The following INPP4B variants were observed in gnomAD, a reference collection of about 807,000 sequenced individuals.
INPP4B encodes inositol polyphosphate 4-phosphatase type II.
Under a neutral mutation model 122.5 loss-of-function variants are expected in INPP4B, and 55 were observed. The ratio of observed to expected loss-of-function variants is 0.45; its 90% CI spans 0.36 to 0.56. The LOEUF is 0.56. Ranked by LOEUF, INPP4B falls within the 20% of genes least tolerant of loss-of-function variation. INPP4B has a pLI of 0.00. For synonymous variants in INPP4B, 403 were observed against 388.7 expected (o/e 1.04, Z -0.43); for missense variants, 1,000 against 1,097.7 (o/e 0.91, Z 1.26).
intron 1 of INPP4B, among the ~76,000 whole-genome samples, chr4:142,790,479 A>G (rs1361660267): frequency 6.6e-6 from 1 of 152,058 alleles, no homozygotes; most frequent in Non-Finnish European, 1.5e-5. Flanking sequence ...CAACATCACT[A>G]CTGATCAGGG....
chr4:142,269,542 A>C (rs1744723850), intron 10 of INPP4B, among the ~76,000 whole-genome samples: 1 of 152,142 alleles, frequency 6.6e-6, no homozygotes. Flanking sequence ...GGGCAGAATG[A>C]TGGTTACCAG....
At chr4:142,377,055 T>C (rs886930569) in intron 7 of INPP4B, among the ~76,000 whole-genome samples, 3 of 152,130 alleles carry the variant, frequency 2.0e-5, no homozygotes, top group Non-Finnish European at 2.9e-5. Flanking sequence ...ATACTCCTAT[T>C]TGATGTTTAA....
intron 2 of INPP4B, among the ~76,000 whole-genome samples, chr4:142,494,192 T>C (rs1403889437): frequency 6.6e-6 from 1 of 152,120 alleles, no homozygotes; most frequent in Non-Finnish European, 1.5e-5. Context: ...CATTTATAAA[T>C]TGCCCAGTCT....
chr4:142,585,935 G>T (rs1285046637), intron 2 of INPP4B, among the ~76,000 whole-genome samples: 1 of 151,746 alleles, frequency 6.6e-6, no homozygotes, highest in Non-Finnish European at 1.5e-5. Context: ...AGGTGTACGT[G>T]TGCCATGTTG....
At chr4:142,644,833 G>T (rs1183534632) in intron 2 of INPP4B, among the ~76,000 whole-genome samples, 7 of 147,714 alleles carry the variant, frequency 4.7e-5, no homozygotes, top group African/African-American at 1.7e-4. Flanking sequence ...AACCTGGGTG[G>T]TGGAAGAGCT....
chr4:142,402,741 A>G (rs1802041072), intron 7 of INPP4B, among the ~76,000 whole-genome samples, 197 bp downstream of exon 7: 1 of 152,234 alleles, frequency 6.6e-6, no homozygotes, highest in Non-Finnish European at 1.5e-5. Flanking sequence ...TCTGTTCCAA[A>G]AACTTTTGCT....
intron 3 of INPP4B, among the ~76,000 whole-genome samples, chr4:142,432,672 T>C (rs1809587264): frequency 6.6e-6 from 1 of 152,112 alleles, no homozygotes; most frequent in South Asian, 2.1e-4. Flanking sequence ...CAAAGACCTA[T>C]GACAAATGCT....
chr4:142,264,999 C>T (rs1192058549), intron 10 of INPP4B, among the ~76,000 whole-genome samples: 1 of 150,486 alleles, frequency 6.6e-6, no homozygotes, highest in Non-Finnish European at 1.5e-5. Context: ...CCTCTCTCTC[C>T]CTCCCCCACT....
chr4:142,171,430 A>C (rs1355877380), intron 16 of INPP4B, among the ~76,000 whole-genome samples: 1 of 151,876 alleles, frequency 6.6e-6, no homozygotes, highest in Admixed American at 6.6e-5. Flanking sequence ...AAACGTTTTT[A>C]TTTTATAATC....
At chr4:142,326,342 C>T (rs959512337) in intron 7 of INPP4B, among the ~76,000 whole-genome samples, 7 of 152,162 alleles carry the variant, frequency 4.6e-5, no homozygotes, top group Non-Finnish European at 7.3e-5. Context: ...AGGAGCTCTT[C>T]GCACTGGAAA....
chr4:142,396,022 G>T (rs932728707), intron 7 of INPP4B, among the ~76,000 whole-genome samples: 1 of 152,048 alleles, frequency 6.6e-6, no homozygotes, highest in Non-Finnish European at 1.5e-5. Context: ...GTATATTTAA[G>T]ATTTTTTAAG....
At chr4:142,808,103 T>TGC (rs1554013821) in intron 1 of INPP4B, among the ~76,000 whole-genome samples, 3 of 149,404 alleles carry the variant, frequency 2.0e-5, no homozygotes, top group Non-Finnish European at 4.5e-5. Context: ...CATGATAAAA[T>TGC]ACACACACAC....
intron 2 of INPP4B, among the ~76,000 whole-genome samples, chr4:142,548,787 A>T (rs773486066): frequency 6.6e-6 from 1 of 151,810 alleles, no homozygotes; most frequent in Non-Finnish European, 1.5e-5. Flanking sequence ...ATACATATAT[A>T]TATATTAATT....
chr4:142,630,455 G>A (rs1339627216), intron 2 of INPP4B, among the ~76,000 whole-genome samples: 1 of 151,892 alleles, frequency 6.6e-6, no homozygotes, highest in African/African-American at 2.4e-5. Context: ...TGGGAGGTGA[G>A]GTAGCATTCA....
chr4:142,224,731 T>C (rs1850790003), intron 12 of INPP4B, among the ~76,000 whole-genome samples: 1 of 152,094 alleles, frequency 6.6e-6, no homozygotes, highest in Non-Finnish European at 1.5e-5. Flanking sequence ...AATATAGCTC[T>C]AAAATATAGA....
intron 9 of INPP4B, among the ~76,000 whole-genome samples, chr4:142,276,533 G>C (rs1305109992): frequency 1.3e-5 from 2 of 151,854 alleles, no homozygotes; most frequent in Admixed American, 1.3e-4. Flanking sequence ...ATTATGAGCA[G>C]GCAACTCAGC....
chr4:142,040,810 C>T (rs1203348447), intron 25 of INPP4B, among the ~76,000 whole-genome samples: 2 of 152,166 alleles, frequency 1.3e-5, no homozygotes, highest in East Asian at 1.9e-4. Context: ...TGCTAAGGTA[C>T]TTTAAAATGT....
intron 23 of INPP4B, among the ~76,000 whole-genome samples, chr4:142,100,003 C>T (rs777985571): frequency 9.9e-5 from 15 of 152,118 alleles, no homozygotes; most frequent in Admixed American, 5.2e-4. Flanking sequence ...CTTGTTAAAA[C>T]ACACAATCTT....
At chr4:142,638,194 T>C (rs1210490924) in intron 2 of INPP4B, among the ~76,000 whole-genome samples, 2 of 152,190 alleles carry the variant, frequency 1.3e-5, no homozygotes, top group Non-Finnish European at 2.9e-5. Flanking sequence ...GAAATTTCAG[T>C]TTAGTAAAGT....
Sources: gnomAD v4.1 joint callset for allele counts (sites outside exome capture counted in the v4.1 genomes callset) on GRCh38, gnomAD v4.1.1 for gene constraint, MANE v1.5 for transcripts, NCBI Gene and HGNC (gene_info 2026-07-23, HGNC 2026-07-21) for gene names.